Variants in TMEM150C observed in about 807,000 individuals in gnomAD.
TMEM150C encodes transmembrane protein 150C.
A neutral mutation model predicts 29.9 loss-of-function variants in TMEM150C; 10 were observed. The ratio of observed to expected loss-of-function variants is 0.33; its 90% CI spans 0.21 to 0.57. The LOEUF is 0.57. Among genes scored for constraint, TMEM150C ranks in the 20% least tolerant of loss-of-function variants. The pLI is 0.88. For missense variants in TMEM150C, 251 were observed against 303.6 expected (o/e 0.83, Z 1.29); for synonymous variants, 101 against 112.5 (o/e 0.90, Z 0.64).
chr4:82,545,992 A>C (rs547370576), intron 1 of TMEM150C, among the ~76,000 whole-genome samples: 26 of 152,298 alleles, frequency 1.7e-4, no homozygotes, highest in African/African-American at 6.0e-4. Flanking sequence ...GCTGCAAAAA[A>C]CAAAATAAAA....
Position 82,504,957 on chromosome 4 carries a change from G to A in TMEM150C, c.-10-290C>T, listed in dbSNP as rs1427159890. Among the ~76,000 whole-genome samples the A allele has an allele frequency of 3.9e-5, 6 of 152,166 alleles. No homozygotes were observed. The South Asian group carries it at 1.2e-3, about 31-fold the overall frequency. On this transcript the variant is annotated intron_variant, in intron 1 of 7. Transcript: ENST00000449862. ...AGGCAGGAGAATGGCGTGAACCTAGGAGGCGGAGCTTGCAGTGAGCCGAGA... is the reference window on the plus strand; with the variant it reads ...AGGCAGGAGAATGGCGTGAACCTAGAAGGCGGAGCTTGCAGTGAGCCGAGA...
In TMEM150C at chr4:82,504,685, C is replaced by G. The variant is rs756084591; in HGVS notation, c.-10-18G>C. The G allele has an allele frequency of 9.4e-6, 15 of 1,589,890 alleles. No individual in the cohort carries two copies. The South Asian group carries it at 1.7e-4, about 18-fold the overall frequency. On this transcript the variant is annotated intron_variant, in intron 1 of 7. Transcript: ENST00000449862. ...CTGTACCACTGAAATAAAATAAACA[C>G]GTATTAATAATTAAGGCAAAACATT...
At chr4:82,548,842 G>C (rs562088018) in intron 1 of TMEM150C, among the ~76,000 whole-genome samples, 42 of 152,318 alleles carry the variant, frequency 2.8e-4, no homozygotes, top group African/African-American at 9.1e-4. Flanking sequence ...TCAGGGCATG[G>C]ACAGGGCTGC....
intron 6 of TMEM150C, chr4:82,495,781 G>C: frequency 2.5e-6 from 1 of 396,334 alleles, no homozygotes. Context: ...CAGAGCATAA[G>C]CAGCAATTTC....
At chr4:82,545,706 A>T (rs1171611586) in intron 1 of TMEM150C, among the ~76,000 whole-genome samples, 1 of 152,118 alleles carries the variant, frequency 6.6e-6, no homozygotes, top group African/African-American at 2.4e-5. Flanking sequence ...GAGGCTGGCA[A>T]ATCACTTAAG....
chr4:82,544,507 A>C (rs566297020), intron 1 of TMEM150C, among the ~76,000 whole-genome samples: 1 of 152,330 alleles, frequency 6.6e-6, no homozygotes, highest in African/African-American at 2.4e-5. Flanking sequence ...GGCCGAGCAC[A>C]GTGGCTCATG....
At chr4:82,544,857 A>C (rs1725317178) in intron 1 of TMEM150C, among the ~76,000 whole-genome samples, 1 of 152,054 alleles carries the variant, frequency 6.6e-6, no homozygotes, top group Non-Finnish European at 1.5e-5. Context: ...GACCAATATC[A>C]AGTTCTGAAA....
At chr4:82,494,783 ATTT>A (rs70964776) in intron 6 of TMEM150C, 465 of 187,682 alleles carry the variant, frequency 2.5e-3, no homozygotes, top group South Asian at 6.0e-3. Context: ...AATGTTCCTA[ATTT>A]TTTTTTTTTT....
At chr4:82,485,861 G>A (rs112424311) in intron 7 of TMEM150C, 142 bp from the exon 8 acceptor site, 10 of 699,710 alleles carry the variant, frequency 1.4e-5, no homozygotes, top group Admixed American at 3.0e-5. Context: ...TGTTGAACAC[G>A]AAAATCTATA....
At chr4:82,495,384 TA>T in intron 6 of TMEM150C, 1 of 252,270 alleles carries the variant, frequency 4.0e-6, no homozygotes, top group Non-Finnish European at 7.8e-6. Flanking sequence ...GAGGTTGCAG[TA>T]AGCTGAGATC....
At chr4:82,530,711 G>A (rs1474680687) in intron 1 of TMEM150C, among the ~76,000 whole-genome samples, 1 of 152,180 alleles carries the variant, frequency 6.6e-6, no homozygotes, top group African/African-American at 2.4e-5. Flanking sequence ...TTCTCACACT[G>A]CTATAAAGAA....
At chr4:82,542,707 A>G (rs933853168) in intron 1 of TMEM150C, among the ~76,000 whole-genome samples, 6 of 152,256 alleles carry the variant, frequency 3.9e-5, no homozygotes, top group African/African-American at 1.2e-4. Context: ...GAGAGTAGGT[A>G]GAAGAGTTCC....
Position 82,558,623 on chromosome 4 carries a change from G to GA in TMEM150C, c.-11+3282dup, listed in dbSNP as rs879768082. Among the ~76,000 whole-genome samples the GA allele has an allele frequency of 7.0e-3, 908 of 129,208 alleles. 2 individuals are homozygous for GA. Among genetic ancestry groups the GA allele is most frequent in the African/African-American group, 9.8e-3 (341 of 34,844 alleles). The allele number at this position is 129,208 out of a possible 152,430, so 84.8% of individuals were successfully genotyped here. On this transcript the variant is annotated intron_variant, in intron 1 of 7. Coordinates refer to ENST00000449862, the MANE Select transcript of TMEM150C (RefSeq NM_001080506.3). ...TGTCTTTCAAAATCTAAACATACCA[G>GA]AAAAAAAAAAAAATCTAAACATACC... is the stretch of plus-strand genomic sequence containing the variant.
At chr4:82,551,079 G>T (rs1725562608) in intron 1 of TMEM150C, among the ~76,000 whole-genome samples, 1 of 152,144 alleles carries the variant, frequency 6.6e-6, no homozygotes, top group African/African-American at 2.4e-5. Context: ...GGGGAGAAAG[G>T]GAGGTACAGG....
At chr4:82,505,953 C>T (rs1578130254) in intron 1 of TMEM150C, among the ~76,000 whole-genome samples, 3 of 152,240 alleles carry the variant, frequency 2.0e-5, no homozygotes, top group Admixed American at 2.0e-4. Context: ...AACACCTGTT[C>T]TAAGGAAATT....
chr4:82,555,784 T>C (rs907895359), intron 1 of TMEM150C, among the ~76,000 whole-genome samples: 2 of 152,168 alleles, frequency 1.3e-5, no homozygotes, highest in African/African-American at 4.8e-5. Context: ...TGGCAATACC[T>C]ACACCAAAGG....
intron 1 of TMEM150C, among the ~76,000 whole-genome samples, chr4:82,517,500 G>T (rs900175649): frequency 6.6e-6 from 1 of 152,150 alleles, no homozygotes; most frequent in Non-Finnish European, 1.5e-5. Context: ...AATCCATTGA[G>T]GGCCCTGATA....
chr4:82,530,099 T>G (rs1192114251), intron 1 of TMEM150C, among the ~76,000 whole-genome samples: 1 of 150,804 alleles, frequency 6.6e-6, no homozygotes, highest in Admixed American at 6.6e-5. Context: ...TCTCTCTCTC[T>G]CTCTCTAGAG....
At chr4:82,548,778 G>T (rs1725467675) in intron 1 of TMEM150C, among the ~76,000 whole-genome samples, 1 of 152,342 alleles carries the variant, frequency 6.6e-6, no homozygotes, top group South Asian at 2.1e-4. Flanking sequence ...CCCTGGGCTG[G>T]GTCTTCAGGG....
Sources: allele counts gnomAD v4.1 joint callset (sites outside exome capture counted in the v4.1 genomes callset), GRCh38; gene constraint gnomAD v4.1.1; transcripts MANE v1.5; gene names NCBI Gene and HGNC (gene_info 2026-07-23, HGNC 2026-07-21).